UBE2E2: variants seen among roughly 807,000 people sequenced by gnomAD.
UBE2E2 encodes the protein ubiquitin conjugating enzyme E2 E2.
UBE2E2 carries 6 observed loss-of-function variants against 24.7 expected under a neutral mutation model. That is an observed-to-expected ratio of 0.24 (90% CI 0.13 to 0.48). The LOEUF (loss-of-function observed/expected upper bound fraction) is 0.48, where lower values mean the gene tolerates loss of function less well. Ranked by LOEUF, UBE2E2 falls within the 20% of genes least tolerant of loss-of-function variation. The pLI is 0.99. For missense variants in UBE2E2, 169 were observed against 245.0 expected, an observed-to-expected ratio of 0.69 and a Z score of 2.07; for synonymous variants, 104 against 83.6, an observed-to-expected ratio of 1.24 and a Z score of -1.33.
At chr3:23,250,762 C>T (rs1470471035) in intron 3 of UBE2E2, among the ~76,000 whole-genome samples, 1 of 152,184 alleles carries the variant, frequency 6.6e-6, no homozygotes, top group East Asian at 1.9e-4. Context: ...TTTGCTTTGG[C>T]TGCAAGAAAG....
chr3:23,310,000 A>G (rs1694327246), intron 3 of UBE2E2, among the ~76,000 whole-genome samples: 1 of 152,210 alleles, frequency 6.6e-6, no homozygotes, highest in Admixed American at 6.5e-5. Flanking sequence ...CAAAAGTCAC[A>G]TAGCATCAGT....
intron 3 of UBE2E2, among the ~76,000 whole-genome samples, chr3:23,328,123 A>G (rs903885248): frequency 6.6e-6 from 1 of 152,218 alleles, no homozygotes; most frequent in African/African-American, 2.4e-5. Flanking sequence ...ATGAAAATCA[A>G]TGCAACATTT....
intron 5 of UBE2E2, among the ~76,000 whole-genome samples, chr3:23,579,125 G>T (rs1696410361): frequency 6.6e-6 from 1 of 152,084 alleles, no homozygotes; most frequent in African/African-American, 2.4e-5. Flanking sequence ...GGGCGTGGTG[G>T]CTCATGCCTA....
intron 3 of UBE2E2, among the ~76,000 whole-genome samples, chr3:23,375,608 G>C (rs1186971533): frequency 6.6e-6 from 1 of 152,136 alleles, no homozygotes; most frequent in African/African-American, 2.4e-5. Context: ...TTGTAGTTGG[G>C]AAACCAAATT....
At chr3:23,575,468 G>A (rs2125515243) in intron 5 of UBE2E2, among the ~76,000 whole-genome samples, 1 of 152,222 alleles carries the variant, frequency 6.6e-6, no homozygotes, top group South Asian at 2.1e-4. Context: ...AGTGTATAAA[G>A]TGTTCCTTCA....
At chr3:23,546,745 T>C (rs1179384457) in intron 5 of UBE2E2, among the ~76,000 whole-genome samples, 1 of 152,096 alleles carries the variant, frequency 6.6e-6, no homozygotes, top group Non-Finnish European at 1.5e-5. Flanking sequence ...ATTGCTGGGA[T>C]TACAGGCATG....
chr3:23,396,630 T>C (rs71322183), intron 3 of UBE2E2, among the ~76,000 whole-genome samples: 10,986 of 152,022 alleles, frequency 0.072, 516 homozygotes, highest in Non-Finnish European at 0.088. Context: ...TCTGCCACTT[T>C]CAATCTGTAT....
In UBE2E2 at chr3:23,478,901, T is replaced by A. The variant is rs960112180; in HGVS notation, c.228-20707T>A. ...ACAAATATATATATATATATATTTTTTTTTTAATTAGCTGAGCATGGTGGC... is the reference window on the plus strand; with the variant it reads ...ACAAATATATATATATATATATTTTATTTTTAATTAGCTGAGCATGGTGGC... On this transcript the variant is annotated intron_variant, in intron 3 of 5. Coordinates refer to ENST00000396703, the MANE Select transcript of UBE2E2 (RefSeq NM_152653.4). Among the ~76,000 whole-genome samples, 542 of 151,400 alleles carry A rather than the reference T, an allele frequency of 3.6e-3. 1 individual carries two copies. Among genetic ancestry groups the A allele is most frequent in the South Asian group, 0.01 (49 of 4,804 alleles).
intron 3 of UBE2E2, among the ~76,000 whole-genome samples, chr3:23,458,319 C>T (rs1698725784): frequency 6.9e-6 from 1 of 143,978 alleles, no homozygotes; most frequent in Admixed American, 6.9e-5. Context: ...TTGCCATCTT[C>T]TATGGGTGTG....
intron 3 of UBE2E2, among the ~76,000 whole-genome samples, chr3:23,327,436 T>G (rs1694932597): frequency 1.3e-5 from 2 of 152,208 alleles, no homozygotes; most frequent in African/African-American, 4.8e-5. Flanking sequence ...GCACATAAAG[T>G]TTAATCTGCA....
chr3:23,529,133 G>C (rs1318046743), intron 4 of UBE2E2, among the ~76,000 whole-genome samples: 1 of 152,184 alleles, frequency 6.6e-6, no homozygotes, highest in Non-Finnish European at 1.5e-5. Context: ...TAGTTGCCAG[G>C]AATTGAAGTA....
intron 3 of UBE2E2, among the ~76,000 whole-genome samples, chr3:23,360,695 G>T (rs1183943867): frequency 6.6e-6 from 1 of 151,924 alleles, no homozygotes; most frequent in Non-Finnish European, 1.5e-5. Flanking sequence ...TACCTGTTTG[G>T]CATTTAACAT....
Position 23,261,839 on chromosome 3 carries a change from A to C in UBE2E2, c.227+44527A>C, listed in dbSNP as rs186609856. ...GTGAATAATATTCCATTTTATTGAT[A>C]TATACACACACTGAATTTTCTTTAT... is the stretch of plus-strand genomic sequence containing the variant. On this transcript the variant is annotated intron_variant, in intron 3 of 5. Transcript: ENST00000396703. Among the ~76,000 whole-genome samples, 581 of 152,304 alleles carry C rather than the reference A, an allele frequency of 3.8e-3. 3 individuals are homozygous for C. The highest frequency in any genetic ancestry group is 0.013 in the African/African-American group (526 of 41,554).
chr3:23,226,964 A>G (rs1312674867), intron 3 of UBE2E2, among the ~76,000 whole-genome samples: 1 of 151,354 alleles, frequency 6.6e-6, no homozygotes, highest in Non-Finnish European at 1.5e-5. Flanking sequence ...ATGTGATACC[A>G]TGAAGACCAA....
intron 3 of UBE2E2, among the ~76,000 whole-genome samples, chr3:23,300,792 G>T (rs990519539): frequency 6.6e-6 from 1 of 151,934 alleles, no homozygotes; most frequent in Non-Finnish European, 1.5e-5. Context: ...AAGTATCTTT[G>T]TGGTGTTCTC....
At chr3:23,549,148 T>C (rs1275005994) in intron 5 of UBE2E2, among the ~76,000 whole-genome samples, 2 of 152,250 alleles carry the variant, frequency 1.3e-5, no homozygotes, top group Non-Finnish European at 2.9e-5. Context: ...AGCAGTATCA[T>C]GCACATAGCA....
rs567303397 is a variant in UBE2E2 at position 23,513,803 on chromosome 3, A to T, written c.360+14063A>T. Among the ~76,000 whole-genome samples the T allele has an allele frequency of 4.6e-4, 70 of 152,332 alleles. 1 individual carries two copies. The highest frequency in any genetic ancestry group is 1.6e-3 in the African/African-American group (68 of 41,586). On this transcript the variant is annotated intron_variant, in intron 4 of 5. Coordinates refer to ENST00000396703, the MANE Select transcript of UBE2E2 (RefSeq NM_152653.4). ...TTTCTCTCATTATAAGTAAAATAAT[A>T]CCTTTTCATGTGTCCAGAATTTGGA...
intron 5 of UBE2E2, among the ~76,000 whole-genome samples, chr3:23,554,958 C>G (rs1458557723): frequency 1.3e-5 from 2 of 151,904 alleles, no homozygotes; most frequent in East Asian, 3.9e-4. Flanking sequence ...GCTCTGTTGC[C>G]CAGGCTGGAG....
At chr3:23,532,773 T>C in intron 5 of UBE2E2, 72 bp downstream of exon 5, 2 of 1,297,258 alleles carry the variant, frequency 1.5e-6, no homozygotes, top group Non-Finnish European at 2.1e-6. Flanking sequence ...GTAACTTGTT[T>C]ACTACTGCTA....
Sources: allele counts gnomAD v4.1 joint callset (sites outside exome capture counted in the v4.1 genomes callset), GRCh38; gene constraint gnomAD v4.1.1; transcripts MANE v1.5; gene names NCBI Gene and HGNC (gene_info 2026-07-23, HGNC 2026-07-21).